ZNF865: variants seen among roughly 807,000 people sequenced by gnomAD.
The protein encoded by ZNF865 is zinc finger protein 865.
For synonymous variants in ZNF865, 763 were observed against 750.8 expected (o/e 1.02, Z -0.27); for missense variants, 1,311 against 1,593.4 (o/e 0.82, Z 3.02).
chr19:55,614,305 C>T lies in ZNF865; in HGVS notation c.687C>T (p.Cys229=). ...LMERRFPCGV[C]QKSFKQSSHL... is the part of the protein sequence containing the mutation. Reference sequence around the variant, plus strand: ...AGCGGCGCTTCCCCTGCGGCGTGTGCCAGAAGTCCTTCAAGCAGTCCTCGC... The same window carrying T: ...AGCGGCGCTTCCCCTGCGGCGTGTGTCAGAAGTCCTTCAAGCAGTCCTCGC... The change falls in exon 2 of 2, where the codon TGC becomes TGT. Residue 229 remains cysteine, a synonymous_variant. Transcript: ENST00000568956. The surrounding 1 kb of genome is among the most constrained non-coding windows in gnomAD (Gnocchi z 8.0). 6.6e-7 allele frequency: 1 copy of T among 1,509,400 alleles called. No individual in the cohort carries two copies. The highest frequency in any genetic ancestry group is 8.8e-7 in the Non-Finnish European group (1 of 1,134,030). 93.5% of individuals were successfully genotyped at this position (1,509,400 alleles called of 1,614,324 possible).
Position 55,613,880 on chromosome 19 carries a change from A to C in ZNF865, c.262A>C (p.Lys88Gln), listed in dbSNP as rs1473422248. ...DYPPQSTFKPKAEVPSSSSSS... is the reference protein window; with the variant it reads ...DYPPQSTFKPQAEVPSSSSSS... ...CCCGCCCCAGTCCACCTTCAAGCCC[A>C]AGGCGGAGGTGCCCTCCTCGTCCTC... The change falls in exon 2 of 2, where the codon AAG (lysine) becomes CAG (glutamine). Residue 88 changes from lysine to glutamine, a missense_variant. Physicochemically the swap from Lys to Gln is moderately conservative, Grantham distance 53. Coordinates refer to ENST00000568956, the MANE Select transcript of ZNF865 (RefSeq NM_001195605.2). The C allele has an allele frequency of 9.3e-6, 12 of 1,292,692 alleles. No homozygotes were observed. Among genetic ancestry groups the C allele is most frequent in the Non-Finnish European group, 1.2e-5 (12 of 999,176 alleles). The allele number at this position is 1,292,692 out of a possible 1,614,324, so 80.1% of individuals were successfully genotyped here.
Position 55,614,710 on chromosome 19 carries a change from C to T in ZNF865, c.1092C>T (p.His364=), listed in dbSNP as rs777591570. The part of the protein sequence containing the change: ...LCWKVFKKPS[H]LHQHQIIHTG... ...GGAAGGTTTTCAAGAAGCCCAGTCACCTCCACCAGCACCAGATCATCCACA... is the reference window on the plus strand; with the variant it reads ...GGAAGGTTTTCAAGAAGCCCAGTCATCTCCACCAGCACCAGATCATCCACA... The change falls in exon 2 of 2, where the codon CAC becomes CAT. Residue 364 remains histidine (H), a synonymous_variant. Transcript: ENST00000568956. This position sits in a 1 kb window ranked among gnomAD's most constrained non-coding sequence, Gnocchi z 8.0. 7 of 1,584,750 alleles carry T rather than the reference C, an allele frequency of 4.4e-6. No homozygotes were observed. The Admixed American group carries it at 5.2e-5, about 12-fold the overall frequency.
At position 55,614,453 on chromosome 19, in the gene ZNF865, C is replaced by T; in HGVS notation, c.835C>T (p.Pro279Ser). Reference protein sequence around the residue: ...RHRRCHKDVPPAAGGPPQPGP... With the variant: ...RHRRCHKDVPSAAGGPPQPGP... ...CCGCCGCTGCCACAAGGACGTGCCA[C>T]CGGCCGCGGGGGGCCCGCCCCAGCC... The change falls in exon 2 of 2, where the codon CCG becomes TCG. Residue 279 changes from proline to serine, a missense_variant. By Grantham distance (74) the Pro-to-Ser change is moderately conservative. Coordinates refer to ENST00000568956, the MANE Select transcript of ZNF865 (RefSeq NM_001195605.2). This position sits in a 1 kb window ranked among gnomAD's most constrained non-coding sequence, Gnocchi z 8.0. 4 of 1,428,748 alleles carry T rather than the reference C, an allele frequency of 2.8e-6. No individual in the cohort carries two copies. Among genetic ancestry groups the T allele is most frequent in the Non-Finnish European group, 3.7e-6 (4 of 1,090,980 alleles). 88.5% of individuals were successfully genotyped at this position (1,428,748 alleles called of 1,614,324 possible).
Position 55,616,857 on chromosome 19 carries a change from G to T in ZNF865, c.*59G>T. ...CCCCTTCTGGACTCCCACCTCCCAG[G>T]ACTGATCAGACTCTTCCCCCCTCCT... is the stretch of plus-strand genomic sequence containing the variant. On this transcript the variant is annotated 3_prime_UTR_variant, in exon 2 of 2. Coordinates refer to ENST00000568956, the MANE Select transcript of ZNF865 (RefSeq NM_001195605.2). 1 of 1,398,106 alleles carries T rather than the reference G, an allele frequency of 7.2e-7. No homozygotes were observed. Among genetic ancestry groups the T allele is most frequent in the Non-Finnish European group, 9.3e-7 (1 of 1,075,772 alleles). The allele number at this position is 1,398,106 out of a possible 1,614,324, so 86.6% of individuals were successfully genotyped here. A position where few individuals can be genotyped will look rare whatever the true frequency, so the allele number is the denominator to read the frequency against.
intron 1 of ZNF865, among the ~76,000 whole-genome samples, chr19:55,606,394 C>T (rs1980942568): frequency 6.6e-6 from 1 of 152,178 alleles, no homozygotes; most frequent in Non-Finnish European, 1.5e-5. Flanking sequence ...TCTAGAGTTC[C>T]TTCACACTCA....
At position 55,615,116 on chromosome 19, in the gene ZNF865, A is replaced by G; in HGVS notation, c.1498A>G (p.Thr500Ala). The G allele has an allele frequency of 1.1e-6, 1 of 873,706 alleles. No homozygotes were observed. The highest frequency in any genetic ancestry group is 9.6e-5 in the East Asian group (1 of 10,394). The allele number at this position is 873,706 out of a possible 1,614,324, so 54.1% of individuals were successfully genotyped here. ...GTACCTCCTGCCCCCCGACCCTCCC[A>G]CCACAGACAGCGAGAAGGCGGCGGC... ...GPYLLPPDPP[T>A]TDSEKAAAAA... Residue 500 changes from threonine (T) to alanine (A), a missense_variant, in exon 2 of 2, where the codon ACC (threonine) becomes GCC (alanine). Thr to Ala is a moderately conservative substitution (Grantham distance 58). Transcript: ENST00000568956.
At chr19:55,609,117 C>G (rs1207306772) in intron 1 of ZNF865, among the ~76,000 whole-genome samples, 2 of 152,188 alleles carry the variant, frequency 1.3e-5, no homozygotes, top group Admixed American at 6.5e-5. Context: ...GTCCTGGGTT[C>G]AAGCAATTAT....
At position 55,615,931 on chromosome 19, in the gene ZNF865, G is replaced by A. The variant is rs760319811; in HGVS notation, c.2313G>A (p.Glu771=). Residue 771 remains glutamate, a synonymous_variant, in exon 2 of 2, where the codon GAG becomes GAA. Coordinates refer to ENST00000568956, the MANE Select transcript of ZNF865 (RefSeq NM_001195605.2). ...CACTGGCAGGGGTGTCTGGGGGTGA[G>A]GACGCAGGCGGGGCGGCGGTGGCAG... ...VAALAGVSGG[E]DAGGAAVAGA... is the part of the protein sequence containing the mutation. 1.1e-5 allele frequency: 17 copies of A among 1,501,578 alleles called. No individual in the cohort carries two copies. The South Asian group carries it at 2.0e-4, about 18-fold the overall frequency. The allele number at this position is 1,501,578 out of a possible 1,614,324, so 93.0% of individuals were successfully genotyped here.
In ZNF865 at chr19:55,615,964, C is replaced by T. The variant is rs1459193538; in HGVS notation, c.2346C>T (p.Gly782=). 12 of 1,510,664 alleles carry T rather than the reference C, an allele frequency of 7.9e-6. No homozygotes were observed. The highest frequency in any genetic ancestry group is 2.0e-5 in the Admixed American group (1 of 49,274). The allele number at this position is 1,510,664 out of a possible 1,614,324, so 93.6% of individuals were successfully genotyped here. Reference sequence around the variant, plus strand: ...GCGGGGCGGCGGTGGCAGGTGCTGGCGGGGGTGCCAGTTCCGGCCCCGAGC... The same window carrying T: ...GCGGGGCGGCGGTGGCAGGTGCTGGTGGGGGTGCCAGTTCCGGCCCCGAGC... ...DAGGAAVAGA[G]GGASSGPERF... is the part of the protein sequence containing the mutation. The change falls in exon 2 of 2, where the codon GGC becomes GGT. Residue 782 remains glycine (G), a synonymous_variant. Coordinates refer to ENST00000568956, the MANE Select transcript of ZNF865 (RefSeq NM_001195605.2).
Position 55,608,400 on chromosome 19 carries a change from C to T in ZNF865, c.-27+2668C>T, listed in dbSNP as rs192840177. 3.0e-4 allele frequency among the ~76,000 whole-genome samples: 45 copies of T among 151,358 alleles called. 1 individual carries two copies. The highest frequency in any genetic ancestry group is 1.0e-3 in the African/African-American group (43 of 41,170). On this transcript the variant is annotated intron_variant, in intron 1 of 1. Transcript: ENST00000568956. ...TGTGATCTTAGCTCGCTGCAACCTCCGCCTCCCGGGTTCAAGTGATTCTCC... is the reference window on the plus strand; with the variant it reads ...TGTGATCTTAGCTCGCTGCAACCTCTGCCTCCCGGGTTCAAGTGATTCTCC...
rs1026025863 is a variant in ZNF865, at chr19:55,613,711, C to T, written c.93C>T (p.Phe31=). ...EDGVHFQSYP[F]DFLEFLNHQR... ...GGGTGCACTTCCAGAGCTACCCCTT[C>T]GACTTCCTGGAATTCCTCAACCACC... is the stretch of plus-strand genomic sequence containing the variant. The change falls in exon 2 of 2, where the codon TTC becomes TTT. Residue 31 remains phenylalanine (F), a synonymous_variant. Coordinates refer to ENST00000568956, the MANE Select transcript of ZNF865 (RefSeq NM_001195605.2). The T allele has an allele frequency of 1.3e-6, 2 of 1,534,530 alleles. No individual in the cohort carries two copies. The highest frequency in any genetic ancestry group is 2.4e-5 in the East Asian group (1 of 40,860).
rs887427462 is a variant in ZNF865, at chr19:55,615,133, GGCGGCGGCGGCC to G, written c.1526_1537del (p.Ala509_Ala512del). 1,139 of 1,186,952 alleles carry G rather than the reference GGCGGCGGCGGCC, an allele frequency of 9.6e-4. 8 individuals are homozygous for G. Among genetic ancestry groups the G allele is most frequent in the Admixed American group, 2.8e-3 (57 of 20,498 alleles). 73.5% of individuals were successfully genotyped at this position (1,186,952 alleles called of 1,614,324 possible). A position where few individuals can be genotyped will look rare whatever the true frequency, so the allele number is the denominator to read the frequency against. On this transcript the variant is annotated inframe_deletion, in exon 2 of 2. Transcript: ENST00000568956. ...ACCCTCCCACCACAGACAGCGAGAA[GGCGGCGGCGGCC>G]GCGGCGGCGGTGGTGTACGGCGCTG... is the stretch of plus-strand genomic sequence containing the variant.
intron 1 of ZNF865, among the ~76,000 whole-genome samples, chr19:55,606,420 CAGGT>C (rs1173513229): frequency 6.6e-6 from 1 of 152,210 alleles, no homozygotes; most frequent in African/African-American, 2.4e-5. Flanking sequence ...TCTCCCGCCT[CAGGT>C]AGAAATATCC....
Position 55,614,200 on chromosome 19 carries a change from G to C in ZNF865, c.582G>C (p.Pro194=). 1 of 1,504,494 alleles carries C rather than the reference G, an allele frequency of 6.6e-7. No homozygotes were observed. The highest frequency in any genetic ancestry group is 1.4e-5 in the African/African-American group (1 of 69,596). The allele number at this position is 1,504,494 out of a possible 1,614,324, so 93.2% of individuals were successfully genotyped here. ...PGPLPAPSQT[P]PGPPAAAACD... is the part of the protein sequence containing the mutation. The stretch of plus-strand genomic sequence containing the variant: ...CGCTTCCTGCCCCCTCGCAGACCCC[G>C]CCAGGACCCCCCGCGGCGGCGGCCT... Residue 194 remains proline (P), a synonymous_variant, in exon 2 of 2, where the codon CCG becomes CCC. Coordinates refer to ENST00000568956, the MANE Select transcript of ZNF865 (RefSeq NM_001195605.2). The surrounding 1 kb of genome is among the most constrained non-coding windows in gnomAD (Gnocchi z 8.0).
chr19:55,614,331 A>G lies in ZNF865; in HGVS notation c.713A>G (p.His238Arg). 6.7e-7 allele frequency: 1 copy of G among 1,500,684 alleles called. No individual in the cohort carries two copies. Among genetic ancestry groups the G allele is most frequent in the Non-Finnish European group, 8.8e-7 (1 of 1,129,978 alleles). 93.0% of individuals were successfully genotyped at this position (1,500,684 alleles called of 1,614,324 possible). Residue 238 changes from histidine (H) to arginine (R), a missense_variant, in exon 2 of 2, where the codon CAC becomes CGC. Coordinates refer to ENST00000568956, the MANE Select transcript of ZNF865 (RefSeq NM_001195605.2). This position sits in a 1 kb window ranked among gnomAD's most constrained non-coding sequence, Gnocchi z 8.0. Reference protein sequence around the residue: ...VCQKSFKQSSHLVQHMLVHSG... With the variant: ...VCQKSFKQSSRLVQHMLVHSG... ...CAGAAGTCCTTCAAGCAGTCCTCGC[A>G]CCTGGTCCAGCACATGCTGGTGCAC...
intron 1 of ZNF865, among the ~76,000 whole-genome samples, chr19:55,607,759 T>C (rs1246505596): frequency 2.0e-5 from 3 of 152,166 alleles, no homozygotes; most frequent in Non-Finnish European, 2.9e-5. Flanking sequence ...TGTGGCCCAC[T>C]TGGGGGCTGC....
Position 55,614,914 on chromosome 19 carries a change from G to A in ZNF865, c.1296G>A (p.Ala432=). The A allele has an allele frequency of 6.7e-7, 1 of 1,483,432 alleles. No individual in the cohort carries two copies. The highest frequency in any genetic ancestry group is 8.9e-7 in the Non-Finnish European group (1 of 1,122,418). The allele number at this position is 1,483,432 out of a possible 1,614,324, so 91.9% of individuals were successfully genotyped here. The change falls in exon 2 of 2, where the codon GCG becomes GCA. Residue 432 remains alanine (A), a synonymous_variant. Transcript: ENST00000568956. This position sits in a 1 kb window ranked among gnomAD's most constrained non-coding sequence, Gnocchi z 8.0. ...LLKHQAAHAG[A]GAGGPRPVYP... ...AGCACCAGGCGGCCCACGCGGGGGC[G>A]GGCGCCGGGGGGCCTCGGCCCGTGT... is the stretch of plus-strand genomic sequence containing the variant.
chr19:55,614,119 C>G lies in ZNF865; in HGVS notation c.501C>G (p.Pro167=). 3 of 1,426,730 alleles carry G rather than the reference C, an allele frequency of 2.1e-6. No homozygotes were observed. The highest frequency in any genetic ancestry group is 2.7e-6 in the Non-Finnish European group (3 of 1,099,716). The allele number at this position is 1,426,730 out of a possible 1,614,324, so 88.4% of individuals were successfully genotyped here. A position where few individuals can be genotyped will look rare whatever the true frequency, so the allele number is the denominator to read the frequency against. The change falls in exon 2 of 2, where the codon CCC becomes CCG. Residue 167 remains proline (P), a synonymous_variant. Transcript: ENST00000568956. The surrounding 1 kb of genome is among the most constrained non-coding windows in gnomAD (Gnocchi z 8.0). ...TTGGGAACCTGAAGCGAGGAGGGCC[C>G]GCGTCCGGGCCGGGGGTGACGCCTG... The part of the protein sequence containing the change: ...HLFGNLKRGG[P]ASGPGVTPGL...
chr19:55,615,967 G>T lies in ZNF865; in HGVS notation c.2349G>T (p.Gly783=). 2 of 1,515,310 alleles carry T rather than the reference G, an allele frequency of 1.3e-6. No individual in the cohort carries two copies. Among genetic ancestry groups the T allele is most frequent in the South Asian group, 1.2e-5 (1 of 81,356 alleles). The allele number at this position is 1,515,310 out of a possible 1,614,324, so 93.9% of individuals were successfully genotyped here. A position where few individuals can be genotyped will look rare whatever the true frequency, so the allele number is the denominator to read the frequency against. ...AGGAAVAGAG[G]GASSGPERFS... ...GGGCGGCGGTGGCAGGTGCTGGCGG[G>T]GGTGCCAGTTCCGGCCCCGAGCGCT... Residue 783 remains glycine, a synonymous_variant, in exon 2 of 2, where the codon GGG becomes GGT. Transcript: ENST00000568956.
Sources: allele counts gnomAD v4.1 joint callset (sites outside exome capture counted in the v4.1 genomes callset), GRCh38; gene constraint gnomAD v4.1.1; non-coding constraint Gnocchi (gnomAD v3.1); transcripts MANE v1.5; gene names NCBI Gene and HGNC (gene_info 2026-07-23, HGNC 2026-07-21).